The following AAK1 variants were observed in gnomAD, a reference collection of about 807,000 sequenced individuals.
AAK1 encodes AP2-associated protein kinase 1.
AAK1 carries 37 observed loss-of-function variants against 116.0 expected under a neutral mutation model. The ratio of observed to expected loss-of-function variants is 0.32; its 90% CI spans 0.25 to 0.42. The LOEUF (loss-of-function observed/expected upper bound fraction) is 0.42. AAK1 is among the 10% of genes least tolerant of loss of function. AAK1 has a pLI of 1.00. For synonymous variants in AAK1, 458 were observed against 439.9 expected, an observed-to-expected ratio of 1.04 and a Z score of -0.51; for missense variants, 919 against 1,170.6, an observed-to-expected ratio of 0.79 and a Z score of 3.14.
intron 13 of AAK1, among the ~76,000 whole-genome samples, chr2:69,512,023 A>C (rs1676413321): frequency 6.6e-6 from 1 of 152,176 alleles, no homozygotes; most frequent in Admixed American, 6.5e-5. Context: ...CTGAGGCCAA[A>C]TGCTCATTCA....
rs1214412020 is a variant in AAK1 at position 69,507,437 on chromosome 2, A to G, written c.2148T>C (p.Phe716=). ...CTTACTCACCTTCCCCAAGCTTGGC[A>G]AAGTCCTTGTTTAGCAGTTCTTCAG... ...LTAEELLNKD[F]AKLGEGKHPE... The change falls in exon 15 of 22, where the codon TTT becomes TTC. Residue 716 remains phenylalanine, a synonymous_variant. Transcript: ENST00000409085. 6.2e-7 allele frequency: 1 copy of G among 1,612,838 alleles called. No individual in the cohort carries two copies. The highest frequency in any genetic ancestry group is 8.5e-7 in the Non-Finnish European group (1 of 1,179,392).
chr2:69,466,581 T>C lies in AAK1; in HGVS notation c.*9288A>G. 2 of 1,165,848 alleles carry C rather than the reference T, an allele frequency of 1.7e-6. No homozygotes were observed. Among genetic ancestry groups the C allele is most frequent in the Non-Finnish European group, 2.2e-6 (2 of 928,210 alleles). The allele number at this position is 1,165,848 out of a possible 1,614,324, so 72.2% of individuals were successfully genotyped here. A position where few individuals can be genotyped will look rare whatever the true frequency, so the allele number is the denominator to read the frequency against. The stretch of plus-strand genomic sequence containing the variant: ...AAAAGCATAAAATGCAGAATTAATG[T>C]GTAGGTCAATTCAACTCTATTTGGA... On this transcript the variant is annotated 3_prime_UTR_variant, in exon 22 of 22. Coordinates refer to ENST00000409085, the MANE Select transcript of AAK1 (RefSeq NM_014911.5).
chr2:69,549,256 C>T (rs549714622), intron 3 of AAK1, among the ~76,000 whole-genome samples: 9 of 151,792 alleles, frequency 5.9e-5, no homozygotes, highest in East Asian at 5.8e-4. Flanking sequence ...GTAGTCCCAG[C>T]TACTCGGGAG....
chr2:69,600,817 G>A (rs111944169), intron 2 of AAK1, among the ~76,000 whole-genome samples: 297 of 152,266 alleles, frequency 2.0e-3, no homozygotes, highest in Non-Finnish European at 3.4e-3. Context: ...TTCATGAAAG[G>A]AAGAGTTAAT....
chr2:69,478,922 T>C (rs199636263), intron 20 of AAK1, 29 bp downstream of exon 20: 91 of 1,525,160 alleles, frequency 6.0e-5, no homozygotes, highest in Admixed American at 2.5e-4. Context: ...TAAGGACACA[T>C]GTGGGCCTGA....
chr2:69,587,559 G>A (rs1672844909), intron 2 of AAK1, among the ~76,000 whole-genome samples: 1 of 151,430 alleles, frequency 6.6e-6, no homozygotes, highest in Non-Finnish European at 1.5e-5. Context: ...TCCGCCTCTT[G>A]GGTTCAAGTG....
Position 69,467,029 on chromosome 2 carries a change from A to G in AAK1, c.*8840T>C, listed in dbSNP as rs1674509967. 1 of 985,464 alleles carries G rather than the reference A, an allele frequency of 1.0e-6. No homozygotes were observed. Among genetic ancestry groups the G allele is most frequent in the Non-Finnish European group, 1.2e-6 (1 of 829,932 alleles). 61.0% of individuals were successfully genotyped at this position (985,464 alleles called of 1,614,324 possible). ...CAGAGGGACAAACTCTCTGAAAAGA[A>G]GCAGAATGTGGCTGCTTGATAAATG... On this transcript the variant is annotated 3_prime_UTR_variant, in exon 22 of 22. Coordinates refer to ENST00000409085, the MANE Select transcript of AAK1 (RefSeq NM_014911.5).
intron 2 of AAK1, among the ~76,000 whole-genome samples, chr2:69,591,516 TCTTTTTC>T (rs1409799038): frequency 7.2e-6 from 1 of 138,252 alleles, no homozygotes; most frequent in Admixed American, 8.3e-5. Context: ...TTTCTTTTTT[TCTTTTTC>T]TTTTTTTTTT....
chr2:69,556,676 C>T (rs1225042786), intron 3 of AAK1, among the ~76,000 whole-genome samples, 184 bp downstream of exon 3: 1 of 152,138 alleles, frequency 6.6e-6, no homozygotes, highest in Non-Finnish European at 1.5e-5. Context: ...TTTTCCTCTG[C>T]CCTCCAGCTG....
chr2:69,568,939 C>A (rs1257389301), intron 2 of AAK1, among the ~76,000 whole-genome samples: 1 of 152,172 alleles, frequency 6.6e-6, no homozygotes, highest in Non-Finnish European at 1.5e-5. Context: ...TCCTCCCCAC[C>A]CCAACTCCCA....
chr2:69,567,178 A>G (rs1671910541), intron 2 of AAK1, among the ~76,000 whole-genome samples: 1 of 152,152 alleles, frequency 6.6e-6, no homozygotes. Flanking sequence ...ATCTTTGCAC[A>G]TGCTTCTCCC....
rs1317187981 is a variant in AAK1, at chr2:69,464,189, T to C, written c.*11680A>G. On this transcript the variant is annotated 3_prime_UTR_variant, in exon 22 of 22. Transcript: ENST00000409085. ...ACATTTCCTCAAAAGGCAGTAGAGA[T>C]TTGGAAACAACAACAACAACAACAA... 1 of 146,632 alleles carries C rather than the reference T, an allele frequency of 6.8e-6. No individual in the cohort carries two copies. Among genetic ancestry groups the C allele is most frequent in the Non-Finnish European group, 1.5e-5 (1 of 67,758 alleles). The allele number at this position is 146,632 out of a possible 1,614,324, so 9.1% of individuals were successfully genotyped here. A position where few individuals can be genotyped will look rare whatever the true frequency, so the allele number is the denominator to read the frequency against.
At chr2:69,549,586 A>C (rs1671089547) in intron 3 of AAK1, among the ~76,000 whole-genome samples, 2 of 152,292 alleles carry the variant, frequency 1.3e-5, no homozygotes, top group South Asian at 4.1e-4. Context: ...GGTCTGACTC[A>C]TGCAGAGTAG....
intron 2 of AAK1, among the ~76,000 whole-genome samples, chr2:69,614,890 G>A (rs997429733): frequency 6.6e-6 from 1 of 152,108 alleles, no homozygotes; most frequent in African/African-American, 2.4e-5. Context: ...CTGGAGCCAC[G>A]AGAAGCCAGA....
intron 17 of AAK1, among the ~76,000 whole-genome samples, chr2:69,485,794 G>A (rs1675275648): frequency 6.6e-6 from 1 of 151,956 alleles, no homozygotes; most frequent in Non-Finnish European, 1.5e-5. Flanking sequence ...CAGTAACTGG[G>A]ATTACGAGTG....
chr2:69,637,145 A>G (rs1344351753), intron 2 of AAK1, among the ~76,000 whole-genome samples: 3 of 152,184 alleles, frequency 2.0e-5, no homozygotes, highest in African/African-American at 7.2e-5. Flanking sequence ...GTCTTTGGCC[A>G]TGTTATTCTC....
chr2:69,553,437 GTTTTTTTTTT>G (rs70954350), intron 3 of AAK1, among the ~76,000 whole-genome samples: 7 of 79,600 alleles, frequency 8.8e-5, no homozygotes, highest in African/African-American at 3.7e-4. Flanking sequence ...ATTGAAAGTT[GTTTTTTTTTT>G]TTTTTTTTTT....
chr2:69,506,874 G>C (rs1350772626), intron 15 of AAK1, among the ~76,000 whole-genome samples: 1 of 149,504 alleles, frequency 6.7e-6, no homozygotes, highest in Non-Finnish European at 1.5e-5. Flanking sequence ...GTGCCTGTGT[G>C]TGTGTGTGTG....
intron 2 of AAK1, among the ~76,000 whole-genome samples, chr2:69,605,796 T>A (rs1673773777): frequency 6.6e-6 from 1 of 152,184 alleles, no homozygotes; most frequent in African/African-American, 2.4e-5. Context: ...CATCCTCCGC[T>A]CCTACCTTCC....
Sources: allele counts gnomAD v4.1 joint callset (sites outside exome capture counted in the v4.1 genomes callset), GRCh38; gene constraint gnomAD v4.1.1; transcripts MANE v1.5; gene names NCBI Gene and HGNC (gene_info 2026-07-23, HGNC 2026-07-21).